PLSCR5: variants seen among roughly 807,000 people sequenced by gnomAD.
The protein encoded by PLSCR5 is phospholipid scramblase family member 5.
Under a neutral mutation model 33.6 loss-of-function variants are expected in PLSCR5, and 44 were observed. The observed-to-expected ratio is 1.31, with a 90% CI of 1.03 to 1.69. The LOEUF (loss-of-function observed/expected upper bound fraction) is 1.69, where lower values mean the gene tolerates loss of function less well. Ranked by LOEUF, PLSCR5 falls within the 40% of genes most tolerant of loss-of-function variation. The pLI, the probability that PLSCR5 is intolerant of heterozygous loss-of-function variation, is 0.00. For synonymous variants in PLSCR5, 148 were observed against 112.3 expected, an observed-to-expected ratio of 1.32 and a Z score of -2.01; for missense variants, 375 against 318.7, an observed-to-expected ratio of 1.18 and a Z score of -1.34.
At chr3:146,600,941 T>C (rs956945197) in intron 1 of PLSCR5, among the ~76,000 whole-genome samples, 1 of 148,330 alleles carries the variant, frequency 6.7e-6, no homozygotes, top group Non-Finnish European at 1.5e-5. Flanking sequence ...AGATATGCAG[T>C]AATACATGTC....
chr3:146,582,293 C>T (rs1364426101), downstream of PLSCR5, among the ~76,000 whole-genome samples: 1 of 152,196 alleles, frequency 6.6e-6, no homozygotes, highest in Non-Finnish European at 1.5e-5. Flanking sequence ...AGACAGGCCA[C>T]ACAGCTGACT....
At chr3:146,592,646 A>G (rs1322977880) in intron 4 of PLSCR5, among the ~76,000 whole-genome samples, 1 of 152,134 alleles carries the variant, frequency 6.6e-6, no homozygotes, top group Non-Finnish European at 1.5e-5. Flanking sequence ...GCATATGTCT[A>G]TAATGTTCTT....
chr3:146,583,192 T>C (rs2044645151), downstream of PLSCR5, among the ~76,000 whole-genome samples: 1 of 152,194 alleles, frequency 6.6e-6, no homozygotes. Flanking sequence ...TAAACACTTC[T>C]CATATCTGAA....
intron 1 of PLSCR5, among the ~76,000 whole-genome samples, chr3:146,604,494 G>C (rs1385882118): frequency 6.6e-6 from 1 of 152,024 alleles, no homozygotes; most frequent in African/African-American, 2.4e-5. Context: ...GAAATTTCAA[G>C]ATATTTTTGC....
At position 146,586,217 on chromosome 3, in the gene PLSCR5, G is replaced by A. The variant is rs957971064; in HGVS notation, c.778-105C>T. On this transcript the variant is annotated intron_variant, in intron 6 of 7. Transcript: ENST00000443512. Reference sequence around the variant, plus strand: ...ATTATGTAAAGCAATTATATTTCCAGTGGTGTTCCAGTATTATGATTTAAC... The same window carrying A: ...ATTATGTAAAGCAATTATATTTCCAATGGTGTTCCAGTATTATGATTTAAC... The A allele has an allele frequency of 2.7e-6, 3 of 1,109,954 alleles. No individual in the cohort carries two copies. In the South Asian group the frequency reaches 6.1e-5, roughly 23 times the overall value. 68.8% of individuals were successfully genotyped at this position (1,109,954 alleles called of 1,614,324 possible).
At chr3:146,589,458 C>A (rs2044691366) in intron 6 of PLSCR5, 195 bp downstream of exon 6, 2 of 425,306 alleles carry the variant, frequency 4.7e-6, no homozygotes, top group Non-Finnish European at 8.0e-6. Context: ...TATGAGATCA[C>A]TGAAGAGGGG....
At position 146,605,345 on chromosome 3, in the gene PLSCR5, A is replaced by G. The variant is rs188578016; in HGVS notation, c.-133T>C. The G allele has an allele frequency of 1.1e-5, 16 of 1,507,140 alleles. No individual in the cohort carries two copies. The highest frequency in any genetic ancestry group is 2.8e-5 in the African/African-American group (2 of 71,786). The allele number at this position is 1,507,140 out of a possible 1,614,324, so 93.4% of individuals were successfully genotyped here. A position where few individuals can be genotyped will look rare whatever the true frequency, so the allele number is the denominator to read the frequency against. On this transcript the variant is annotated 5_prime_UTR_variant, in exon 1 of 8. Coordinates refer to ENST00000443512, the MANE Select transcript of PLSCR5 (RefSeq NM_001085420.2). ...TTGTCTGCCTCTTGTCAGCTTACATATAACAGAGGAAGGGAGTCCCTTGCT... is the reference window on the plus strand; with the variant it reads ...TTGTCTGCCTCTTGTCAGCTTACATGTAACAGAGGAAGGGAGTCCCTTGCT...
chr3:146,591,805 G>C lies in PLSCR5; in HGVS notation c.530C>G (p.Thr177Arg). The change falls in exon 5 of 8, where the codon ACA becomes AGA. Residue 177 changes from threonine (T) to arginine (R), a missense_variant. Thr to Arg is a moderately conservative substitution (Grantham distance 71). Coordinates refer to ENST00000443512, the MANE Select transcript of PLSCR5 (RefSeq NM_001085420.2). ...ATCTTCTTTGTTTGCATTTTGGATT[G>C]TGAATTTAGGCAGAAAGGGGTCCCA... ...QKWDPFLPKF[T>R]IQNANKEDIL... 1 of 1,612,286 alleles carries C rather than the reference G, an allele frequency of 6.2e-7. No individual in the cohort carries two copies. The highest frequency in any genetic ancestry group is 8.5e-7 in the Non-Finnish European group (1 of 1,178,958).
At position 146,589,665 on chromosome 3, in the gene PLSCR5, G is replaced by A; in HGVS notation, c.765C>T (p.Ala255=). Residue 255 remains alanine, a synonymous_variant, in exon 6 of 8, where the codon GCC becomes GCT. Coordinates refer to ENST00000443512, the MANE Select transcript of PLSCR5 (RefSeq NM_001085420.2). The part of the protein sequence containing the change: ...DVTVKAAMIG[A]CFLFDFMFFE... ...AGCCCATACTTACAAAGAGAAAACA[G>A]GCACCGATCATTGCTGCTTTGACTG... 1 of 1,585,834 alleles carries A rather than the reference G, an allele frequency of 6.3e-7. No individual in the cohort carries two copies. Among genetic ancestry groups the A allele is most frequent in the South Asian group, 1.1e-5 (1 of 87,188 alleles).
chr3:146,587,788 T>C (rs1430703207), intron 6 of PLSCR5, among the ~76,000 whole-genome samples: 1 of 152,012 alleles, frequency 6.6e-6, no homozygotes, highest in African/African-American at 2.4e-5. Context: ...CTACCAATAA[T>C]AGGAGACTGG....
chr3:146,581,702 A>G (rs2044633557), downstream of PLSCR5, among the ~76,000 whole-genome samples: 1 of 152,376 alleles, frequency 6.6e-6, no homozygotes, highest in African/African-American at 2.4e-5. Context: ...AGCACAAAAC[A>G]AAGTGAGATA....
chr3:146,591,583 T>C, intron 5 of PLSCR5, 137 bp downstream of exon 5: 1 of 955,364 alleles, frequency 1.0e-6, no homozygotes, highest in Non-Finnish European at 1.6e-6. Flanking sequence ...CAATATGGGC[T>C]GATTACATTA....
At chr3:146,582,525 G>A (rs992988314), downstream of PLSCR5, among the ~76,000 whole-genome samples, 9 of 152,096 alleles carry the variant, frequency 5.9e-5, no homozygotes, top group African/African-American at 2.2e-4. Context: ...TCTTTTCTGG[G>A]ACCCTTCTCT....
chr3:146,596,998 G>A (rs986486179), intron 2 of PLSCR5, among the ~76,000 whole-genome samples: 4 of 152,046 alleles, frequency 2.6e-5, no homozygotes, highest in East Asian at 1.9e-4. Context: ...TGAGGAAAAC[G>A]GAGTGGTAAG....
At chr3:146,591,002 T>TTTG (rs966623327) in intron 5 of PLSCR5, among the ~76,000 whole-genome samples, 12 of 149,904 alleles carry the variant, frequency 8.0e-5, no homozygotes, top group Non-Finnish European at 1.5e-4. Flanking sequence ...TTTTTGTTTT[T>TTTG]TTTTTTTGTT....
intron 4 of PLSCR5, among the ~76,000 whole-genome samples, 171 bp downstream of exon 4, chr3:146,593,749 G>A (rs1031645584): frequency 3.9e-5 from 6 of 152,140 alleles, no homozygotes; most frequent in African/African-American, 1.4e-4. Context: ...AAAGAAAAAA[G>A]TTTAGTGAAT....
In PLSCR5 at chr3:146,585,972, C is replaced by T. The variant is rs936253144; in HGVS notation, c.*45-30G>A. On this transcript the variant is annotated intron_variant, in intron 7 of 7. Transcript: ENST00000443512. ...AAGAAAATGAAAAAGAGTTAGATAGCGTCAAATATAGACATCTTCAAAGGG... is the reference window on the plus strand; with the variant it reads ...AAGAAAATGAAAAAGAGTTAGATAGTGTCAAATATAGACATCTTCAAAGGG... 40 of 1,204,574 alleles carry T rather than the reference C, an allele frequency of 3.3e-5. 1 individual carries two copies. Among genetic ancestry groups the T allele is most frequent in the South Asian group, 6.6e-5 (4 of 60,262 alleles). 74.6% of individuals were successfully genotyped at this position (1,204,574 alleles called of 1,614,324 possible).
At chr3:146,595,525 A>G (rs905335589) in intron 2 of PLSCR5, among the ~76,000 whole-genome samples, 6 of 152,070 alleles carry the variant, frequency 3.9e-5, no homozygotes, top group African/African-American at 1.4e-4. Flanking sequence ...AGGTGGGAGG[A>G]TAGCTTGATC....
intron 7 of PLSCR5, among the ~76,000 whole-genome samples, chr3:146,580,421 C>G (rs2107845479): frequency 6.7e-6 from 1 of 150,060 alleles, no homozygotes; most frequent in East Asian, 1.9e-4. Context: ...TCAAACTTGC[C>G]CAGTTGCTCT....
Sources: allele counts gnomAD v4.1 joint callset (sites outside exome capture counted in the v4.1 genomes callset), GRCh38; gene constraint gnomAD v4.1.1; transcripts MANE v1.5; gene names NCBI Gene and HGNC (gene_info 2026-07-23, HGNC 2026-07-21).